The following NXPH1 variants were observed in gnomAD, a reference collection of about 807,000 sequenced individuals.
NXPH1 encodes the protein neurexophilin 1, also known as neurexophilin-1.
Under a neutral mutation model 23.7 loss-of-function variants are expected in NXPH1, and 5 were observed. The ratio of observed to expected loss-of-function variants is 0.21; its 90% confidence interval spans 0.11 to 0.44. The LOEUF (loss-of-function observed/expected upper bound fraction) is 0.44. Among genes scored for constraint, NXPH1 ranks in the 20% least tolerant of loss-of-function variants. NXPH1 has a pLI of 0.99. For missense variants in NXPH1, 324 were observed against 321.6 expected (o/e 1.01, Z -0.06); for synonymous variants, 144 against 122.2 (o/e 1.18, Z -1.18).
At chr7:8,735,935 A>G (rs565644573) in intron 2 of NXPH1, among the ~76,000 whole-genome samples, 2 of 152,268 alleles carry the variant, frequency 1.3e-5, no homozygotes, top group African/African-American at 4.8e-5. Flanking sequence ...AGTTGTTTAT[A>G]GTATTCTCTA....
At chr7:8,576,151 G>C (rs1818751204) in intron 2 of NXPH1, among the ~76,000 whole-genome samples, 1 of 152,132 alleles carries the variant, frequency 6.6e-6, no homozygotes, top group Non-Finnish European at 1.5e-5. Context: ...TCTTAAGCAA[G>C]TATATCAAAC....
At chr7:8,578,837 T>A (rs1446548672) in intron 2 of NXPH1, among the ~76,000 whole-genome samples, 1 of 152,192 alleles carries the variant, frequency 6.6e-6, no homozygotes, top group Non-Finnish European at 1.5e-5. Context: ...TTAGTTCAGT[T>A]GAGCCTTACA....
At chr7:8,738,726 T>C (rs946723703) in intron 2 of NXPH1, among the ~76,000 whole-genome samples, 16 of 152,184 alleles carry the variant, frequency 1.1e-4, no homozygotes, top group African/African-American at 3.9e-4. Flanking sequence ...TGCCCACAGC[T>C]ACCACTTCCC....
chr7:8,696,651 G>A (rs1006270688), intron 2 of NXPH1, among the ~76,000 whole-genome samples: 2 of 152,086 alleles, frequency 1.3e-5, no homozygotes, highest in African/African-American at 4.8e-5. Flanking sequence ...GCTGAAATGA[G>A]TGTGACTTTG....
chr7:8,661,216 C>A (rs1261393767), intron 2 of NXPH1, among the ~76,000 whole-genome samples: 1 of 151,980 alleles, frequency 6.6e-6, no homozygotes, highest in African/African-American at 2.4e-5. Context: ...CTTTTTGTTG[C>A]CTTAAGGTTT....
At chr7:8,471,640 G>T (rs1816874285) in intron 2 of NXPH1, among the ~76,000 whole-genome samples, 2 of 152,126 alleles carry the variant, frequency 1.3e-5, no homozygotes, top group Admixed American at 6.5e-5. Context: ...ACTAACTAGA[G>T]AAATCACTTT....
At chr7:8,592,667 G>A (rs1209827095) in intron 2 of NXPH1, among the ~76,000 whole-genome samples, 1 of 151,968 alleles carries the variant, frequency 6.6e-6, no homozygotes, top group African/African-American at 2.4e-5. Flanking sequence ...GCTTTACAGA[G>A]CTCATCGTCT....
intron 2 of NXPH1, among the ~76,000 whole-genome samples, chr7:8,711,787 C>T (rs1266364777): frequency 6.6e-6 from 1 of 152,094 alleles, no homozygotes; most frequent in Non-Finnish European, 1.5e-5. Context: ...GGAAGGAAGC[C>T]TGACCTCTGA....
At position 8,435,192 on chromosome 7, in the gene NXPH1, G is replaced by C. The variant is rs1245079786; in HGVS notation, c.-110-412G>C. The C allele has an allele frequency of 2.2e-5, 4 of 184,618 alleles. No homozygotes were observed. Among genetic ancestry groups the C allele is most frequent in the Non-Finnish European group, 3.4e-5 (3 of 88,576 alleles). 11.4% of individuals were successfully genotyped at this position (184,618 alleles called of 1,614,324 possible). On this transcript the variant is annotated intron_variant, in intron 1 of 2. Transcript: ENST00000405863. The surrounding 1 kb of genome is among the most constrained non-coding windows in gnomAD (Gnocchi z 5.9). ...TCTTTCCCCTCTATCTCTCTCTGCTGGTGTGTACGTGTGTGAGCACTGCCA... is the reference window on the plus strand; with the variant it reads ...TCTTTCCCCTCTATCTCTCTCTGCTCGTGTGTACGTGTGTGAGCACTGCCA...
chr7:8,711,887 G>A (rs994853973), intron 2 of NXPH1, among the ~76,000 whole-genome samples: 3 of 152,224 alleles, frequency 2.0e-5, no homozygotes, highest in Non-Finnish European at 2.9e-5. Context: ...TTACAATAGG[G>A]AAGCTGGGAT....
intron 2 of NXPH1, among the ~76,000 whole-genome samples, chr7:8,564,264 T>A (rs1818501264): frequency 6.6e-6 from 1 of 151,848 alleles, no homozygotes; most frequent in African/African-American, 2.4e-5. Flanking sequence ...AATTGCAAAA[T>A]TAATTTTAAA....
intron 2 of NXPH1, among the ~76,000 whole-genome samples, chr7:8,460,553 G>A (rs1269831144): frequency 1.3e-5 from 2 of 152,184 alleles, no homozygotes; most frequent in Non-Finnish European, 2.9e-5. Context: ...TGATCAATGG[G>A]AAGGTTTGGA....
rs78330601 is a variant in NXPH1, at chr7:8,518,993, T to C, written c.54+83226T>C. The stretch of plus-strand genomic sequence containing the variant: ...GTAGTTTTGTGAAGCTATGAGGAGA[T>C]TGTATCTTTATGTAAAGCATGTAGC... On this transcript the variant is annotated intron_variant, in intron 2 of 2. Coordinates refer to ENST00000405863, the MANE Select transcript of NXPH1 (RefSeq NM_152745.3). Among the ~76,000 whole-genome samples the C allele has an allele frequency of 3.3e-4, 50 of 152,184 alleles. No individual in the cohort carries two copies. In the East Asian group the frequency reaches 6.2e-3, roughly 19 times the overall value.
At chr7:8,655,221 C>G (rs985146264) in intron 2 of NXPH1, among the ~76,000 whole-genome samples, 7 of 151,978 alleles carry the variant, frequency 4.6e-5, no homozygotes, top group African/African-American at 1.7e-4. Flanking sequence ...CTTTTCTCTA[C>G]CAAAAATACA....
At chr7:8,488,889 T>C (rs183123230) in intron 2 of NXPH1, among the ~76,000 whole-genome samples, 40 of 152,292 alleles carry the variant, frequency 2.6e-4, no homozygotes, top group Non-Finnish European at 3.4e-4. Context: ...TGATGGGTTT[T>C]GTAACTGTCA....
intron 2 of NXPH1, among the ~76,000 whole-genome samples, chr7:8,731,252 T>C (rs1029837263): frequency 3.9e-5 from 6 of 151,968 alleles, no homozygotes; most frequent in Non-Finnish European, 8.8e-5. Context: ...CTAAATTTTT[T>C]TCGAAGTTTT....
rs1307075391 is a variant in NXPH1 at position 8,661,356 on chromosome 7, T to A, written c.55-89652T>A. On this transcript the variant is annotated intron_variant, in intron 2 of 2. Coordinates refer to ENST00000405863, the MANE Select transcript of NXPH1 (RefSeq NM_152745.3). ...GTGCCTACTGATTCTTAAATGACAA[T>A]TTGGCTCACCACACTCAGACTTCTC... 2.6e-5 allele frequency among the ~76,000 whole-genome samples: 4 copies of A among 152,160 alleles called. No individual in the cohort carries two copies. In the East Asian group the frequency reaches 7.7e-4, roughly 29 times the overall value.
At chr7:8,655,395 TG>T in intron 2 of NXPH1, among the ~76,000 whole-genome samples, 3 of 46,238 alleles carry the variant, frequency 6.5e-5, no homozygotes. Context: ...TCTTTGTCTT[TG>T]TCTTTCTCTC....
At chr7:8,713,080 GCTTT>G (rs1779821852) in intron 2 of NXPH1, among the ~76,000 whole-genome samples, 1 of 151,530 alleles carries the variant, frequency 6.6e-6, no homozygotes, top group Non-Finnish European at 1.5e-5. Context: ...TTCTAGATAG[GCTTT>G]CTATTTTCTA....
Sources: allele counts gnomAD v4.1 joint callset (sites outside exome capture counted in the v4.1 genomes callset), GRCh38; gene constraint gnomAD v4.1.1; non-coding constraint Gnocchi (gnomAD v3.1); transcripts MANE v1.5; gene names NCBI Gene and HGNC (gene_info 2026-07-23, HGNC 2026-07-21).